The following ZNF324B variants were observed in gnomAD, a reference collection of about 807,000 sequenced individuals.
The protein encoded by ZNF324B is zinc finger protein 324B.
Under a neutral mutation model 10.6 loss-of-function variants are expected in ZNF324B, and 7 were observed. That is an observed-to-expected ratio of 0.66 (90% CI 0.38 to 1.24). The LOEUF is 1.24. Among genes scored for constraint, ZNF324B ranks in the 50% most tolerant of loss-of-function variants. The pLI is 0.02. For missense variants in ZNF324B, 640 were observed against 764.7 expected (o/e 0.84, Z 1.92); for synonymous variants, 316 against 321.0 (o/e 0.98, Z 0.17).
rs771426215 is a variant in ZNF324B, at chr19:58,455,429, T to A, written c.485T>A (p.Leu162Gln). ...RSDQASISLR[L>Q]TSPLRPPKSS... The stretch of plus-strand genomic sequence containing the variant: ...GACCAGGCCAGCATCAGCCTGCGAC[T>A]GACCTCCCCACTCAGGCCCCCCAAG... Residue 162 changes from leucine to glutamine, a missense_variant, in exon 4 of 4, where the codon CTG becomes CAG. Transcript: ENST00000336614. This position sits in a 1 kb window ranked among gnomAD's most constrained non-coding sequence, Gnocchi z 7.0. 6.2e-7 allele frequency: 1 copy of A among 1,614,162 alleles called. No homozygotes were observed. Among genetic ancestry groups the A allele is most frequent in the South Asian group, 1.1e-5 (1 of 91,090 alleles).
In ZNF324B at chr19:58,453,745, G is replaced by T. The variant is rs1162865944; in HGVS notation, c.44G>T (p.Trp15Leu). ...GCCGTGTACTTCTCCCAGGAGGAGT[G>T]GGGGCTCCTGGACACAGCGCAGAGG... ...DVAVYFSQEE[W>L]GLLDTAQRAL... The change falls in exon 2 of 4, where the codon TGG becomes TTG. Residue 15 changes from tryptophan to leucine, a missense_variant. Around this residue, in one of 3 missense-constraint regions of ZNF324B, gnomAD observed 345 missense variants for 387.9 expected, o/e 0.89. Transcript: ENST00000336614. 1.2e-6 allele frequency: 2 copies of T among 1,614,062 alleles called. No homozygotes were observed. The highest frequency in any genetic ancestry group is 2.7e-5 in the African/African-American group (2 of 74,928).
the ZNF324B span, chr19:58,418,575 T>C: frequency 6.6e-6 from 1 of 152,154 alleles, no homozygotes; most frequent in Non-Finnish European, 1.5e-5. Flanking sequence ...GCTATCCTCC[T>C]GCCTTGGCCT....
rs762164400 is a variant in ZNF324B at position 58,456,051 on chromosome 19, T to C, written c.1107T>C (p.Tyr369=). 2 of 1,609,814 alleles carry C rather than the reference T, an allele frequency of 1.2e-6. No homozygotes were observed. The highest frequency in any genetic ancestry group is 1.3e-5 in the African/African-American group (1 of 74,972). ...HRKIHAGGRP[Y]ACAQCGRRFC... is the part of the protein sequence containing the mutation. The stretch of plus-strand genomic sequence containing the variant: ...AGATCCACGCGGGTGGGCGTCCTTA[T>C]GCTTGCGCACAGTGTGGCCGCCGCT... The change falls in exon 4 of 4, where the codon TAT becomes TAC. Residue 369 remains tyrosine (Y), a synonymous_variant. Coordinates refer to ENST00000336614, the MANE Select transcript of ZNF324B (RefSeq NM_207395.3). This position sits in a 1 kb window ranked among gnomAD's most constrained non-coding sequence, Gnocchi z 4.7.
At chr19:58,422,347 A>C in the ZNF324B span, among the ~76,000 whole-genome samples, 7 of 152,222 alleles carry the variant, frequency 4.6e-5, no homozygotes, top group Non-Finnish European at 7.3e-5. Flanking sequence ...TTTTTCTCTC[A>C]GAACTGGAAC....
chr19:58,438,038 C>T, the ZNF324B span, among the ~76,000 whole-genome samples: 1 of 152,180 alleles, frequency 6.6e-6, no homozygotes, highest in Non-Finnish European at 1.5e-5. Context: ...TCTTGCCACT[C>T]CACCAGCCTG....
chr19:58,431,934 G>A, the ZNF324B span, among the ~76,000 whole-genome samples: 1 of 152,144 alleles, frequency 6.6e-6, no homozygotes, highest in Admixed American at 6.5e-5. Context: ...GGTGGAGCTT[G>A]CCGTGAGCCA....
rs1445045321 is a variant in ZNF324B at position 58,456,063 on chromosome 19, G to C, written c.1119G>C (p.Gln373His). 3 of 1,611,054 alleles carry C rather than the reference G, an allele frequency of 1.9e-6. No individual in the cohort carries two copies. The highest frequency in any genetic ancestry group is 2.7e-5 in the African/African-American group (2 of 75,028). Residue 373 changes from glutamine to histidine, a missense_variant, in exon 4 of 4, where the codon CAG (glutamine) becomes CAC (histidine). Physicochemically the swap from Gln to His is conservative, Grantham distance 24. Coordinates refer to ENST00000336614, the MANE Select transcript of ZNF324B (RefSeq NM_207395.3). The surrounding 1 kb of genome is among the most constrained non-coding windows in gnomAD (Gnocchi z 4.7). Reference sequence around the variant, plus strand: ...GTGGGCGTCCTTATGCTTGCGCACAGTGTGGCCGCCGCTTCTGCCGCAACT... The same window carrying C: ...GTGGGCGTCCTTATGCTTGCGCACACTGTGGCCGCCGCTTCTGCCGCAACT... ...HAGGRPYACA[Q>H]CGRRFCRNSH...
At chr19:58,435,128 C>T in the ZNF324B span, 2 of 1,614,186 alleles carry the variant, frequency 1.2e-6, no homozygotes. Context: ...GAAGGATCTG[C>T]ATTAGGGATC....
At chr19:58,422,008 C>T in the ZNF324B span, among the ~76,000 whole-genome samples, 4 of 152,182 alleles carry the variant, frequency 2.6e-5, no homozygotes, top group Admixed American at 6.5e-5. Flanking sequence ...ACCTCCGCGT[C>T]CCGGGTTCAA....
chr19:58,445,754 G>A, the ZNF324B span: 1 of 313,792 alleles, frequency 3.2e-6, no homozygotes, highest in South Asian at 2.7e-5. Context: ...GGCAGAGGTT[G>A]CAGTGAGCTG....
At chr19:58,446,575 T>TC in the ZNF324B span, among the ~76,000 whole-genome samples, 154 of 30,660 alleles carry the variant, frequency 5.0e-3, no homozygotes, top group African/African-American at 0.037. Flanking sequence ...TTCTTTCTCT[T>TC]TTTTTTTTTT....
chr19:58,443,285 TAGCTAGACACAG>T, the ZNF324B span: 3 of 152,252 alleles, frequency 2.0e-5, no homozygotes, highest in Non-Finnish European at 4.4e-5. Flanking sequence ...TACAAACCTT[TAGCTAGACACAG>T]AGCGCTGATT....
chr19:58,436,899 C>G, the ZNF324B span: 2 of 1,068,672 alleles, frequency 1.9e-6, no homozygotes, highest in African/African-American at 1.5e-5. Context: ...GAAGTACACA[C>G]AGCAGAACCT....
chr19:58,448,211 G>A (rs1027610724), upstream of ZNF324B, among the ~76,000 whole-genome samples: 2 of 152,228 alleles, frequency 1.3e-5, no homozygotes, highest in African/African-American at 4.8e-5. Flanking sequence ...ATAGGAAAAT[G>A]TGGGAATGTT....
chr19:58,456,239 G>A lies in ZNF324B; in HGVS notation c.1295G>A (p.Arg432His), dbSNP rs760357452. ...CCCTTCGCCTGCGCCCAGTGCGGCC[G>A]CTCCTTTAGCCGCAGCTCCAACCTC... is the stretch of plus-strand genomic sequence containing the variant. Reference protein sequence around the residue: ...EKPFACAQCGRSFSRSSNLTQ... With the variant: ...EKPFACAQCGHSFSRSSNLTQ... Residue 432 changes from arginine to histidine, a missense_variant, in exon 4 of 4, where the codon CGC becomes CAC. Coordinates refer to ENST00000336614, the MANE Select transcript of ZNF324B (RefSeq NM_207395.3). This position sits in a 1 kb window ranked among gnomAD's most constrained non-coding sequence, Gnocchi z 4.7. 3.3e-5 allele frequency: 53 copies of A among 1,612,818 alleles called. No homozygotes were observed. The highest frequency in any genetic ancestry group is 2.7e-4 in the East Asian group (12 of 44,878).
the ZNF324B span, chr19:58,433,311 A>G: frequency 6.2e-7 from 1 of 1,600,624 alleles, no homozygotes; most frequent in African/African-American, 1.3e-5. Flanking sequence ...GACCACTTCC[A>G]TAAGGCTCCA....
Position 58,456,904 on chromosome 19 carries a change from A to G in ZNF324B, c.*325A>G. ...CAGCGCTGCATGGTGGTGCTACTTC[A>G]TGTGTTATGAGAGTGGATGCTGAGG... is the stretch of plus-strand genomic sequence containing the variant. On this transcript the variant is annotated 3_prime_UTR_variant, in exon 4 of 4. Transcript: ENST00000336614. The surrounding 1 kb of genome is among the most constrained non-coding windows in gnomAD (Gnocchi z 4.7). 1 of 420,302 alleles carries G rather than the reference A, an allele frequency of 2.4e-6. No homozygotes were observed. The highest frequency in any genetic ancestry group is 4.4e-6 in the Non-Finnish European group (1 of 229,202). 26.0% of individuals were successfully genotyped at this position (420,302 alleles called of 1,614,324 possible).
At chr19:58,428,977 G>C in the ZNF324B span, 5 of 152,380 alleles carry the variant, frequency 3.3e-5, no homozygotes, top group African/African-American at 1.2e-4. Flanking sequence ...AACTTTTGCT[G>C]TGGAGGTTCT....
the ZNF324B span, among the ~76,000 whole-genome samples, chr19:58,427,461 CCTT>C: frequency 3.4e-5 from 3 of 88,234 alleles, no homozygotes; most frequent in Admixed American, 1.2e-4. Flanking sequence ...TCCCTTCCTT[CCTT>C]CCTTCCTTCC....
Sources: allele counts gnomAD v4.1 joint callset (sites outside exome capture counted in the v4.1 genomes callset), GRCh38; gene constraint gnomAD v4.1.1; regional missense constraint gnomAD v4.1.1; non-coding constraint Gnocchi (gnomAD v3.1); transcripts MANE v1.5; gene names NCBI Gene and HGNC (gene_info 2026-07-23, HGNC 2026-07-21).